MLPH: variants seen among roughly 807,000 people sequenced by gnomAD.
The protein encoded by MLPH is melanophilin, also known as exophilin-3.
In MLPH, 51 loss-of-function variants were observed where a neutral mutation model predicts 72.1. That is an observed-to-expected ratio of 0.71 (90% CI 0.56 to 0.89). MLPH has a LOEUF of 0.89. Ranked by LOEUF, MLPH falls within the 40% of genes least tolerant of loss-of-function variation. MLPH has a pLI of 0.00. For synonymous variants in MLPH, 301 were observed against 310.1 expected (o/e 0.97, Z 0.31); for missense variants, 743 against 759.9 (o/e 0.98, Z 0.26).
At chr2:237,523,884 T>G (rs2080242531) in intron 6 of MLPH, among the ~76,000 whole-genome samples, 1 of 151,810 alleles carries the variant, frequency 6.6e-6, no homozygotes, top group African/African-American at 2.4e-5. Flanking sequence ...AAGAGGCTAT[T>G]TACTGGGAGC....
intron 6 of MLPH, among the ~76,000 whole-genome samples, chr2:237,524,321 A>ATATATATATATATAT (rs1559357447): frequency 1.2e-4 from 17 of 146,180 alleles, no homozygotes; most frequent in African/African-American, 4.1e-4. Flanking sequence ...ATATATATAT[A>ATATATATATATATAT]AAGGGGAGTT....
At chr2:237,548,213 C>G (rs1035758320) in intron 13 of MLPH, among the ~76,000 whole-genome samples, 1 of 152,226 alleles carries the variant, frequency 6.6e-6, no homozygotes, top group Non-Finnish European at 1.5e-5. Flanking sequence ...ACACTCTTCT[C>G]TGGTGGGGGC....
intron 13 of MLPH, among the ~76,000 whole-genome samples, chr2:237,546,913 G>C (rs1331856243): frequency 1.3e-5 from 2 of 151,954 alleles, no homozygotes; most frequent in Non-Finnish European, 2.9e-5. Flanking sequence ...GAAAATCCAA[G>C]AAAGCCCAGT....
intron 12 of MLPH, among the ~76,000 whole-genome samples, chr2:237,545,992 C>G (rs180914546): frequency 6.6e-6 from 1 of 152,020 alleles, no homozygotes; most frequent in African/African-American, 2.4e-5. Flanking sequence ...AACTTGTGCC[C>G]GAGGTGGTTA....
At chr2:237,526,404 G>A (rs749537486) in intron 7 of MLPH, among the ~76,000 whole-genome samples, 1 of 152,102 alleles carries the variant, frequency 6.6e-6, no homozygotes, top group Non-Finnish European at 1.5e-5. Context: ...GCAAGTGGCT[G>A]CGTGCGGGAA....
Position 237,510,121 on chromosome 2 carries a change from C to G in MLPH, c.111-453C>G. On this transcript the variant is annotated intron_variant, in intron 2 of 15. Transcript: ENST00000264605. This position sits in a 1 kb window ranked among gnomAD's most constrained non-coding sequence, Gnocchi z 4.4. Reference sequence around the variant, plus strand: ...GCTCTGGAAACTCACCGAGCCATTTCAGCTGCGCTCTAGAGGAGCAAACCT... The same window carrying G: ...GCTCTGGAAACTCACCGAGCCATTTGAGCTGCGCTCTAGAGGAGCAAACCT... The G allele has an allele frequency of 4.0e-6, 1 of 250,376 alleles. No homozygotes were observed. Among genetic ancestry groups the G allele is most frequent in the Non-Finnish European group, 7.8e-6 (1 of 128,246 alleles). The allele number at this position is 250,376 out of a possible 1,614,324, so 15.5% of individuals were successfully genotyped here.
chr2:237,534,564 A>T lies in MLPH; in HGVS notation c.1021A>T (p.Ile341Phe), dbSNP rs200063207. The T allele has an allele frequency of 3.5e-4, 564 of 1,612,914 alleles. 1 individual carries two copies. The highest frequency in any genetic ancestry group is 4.5e-4 in the Non-Finnish European group (531 of 1,179,384). Residue 341 changes from isoleucine (I) to phenylalanine (F), a missense_variant and splice_region_variant, in exon 9 of 16, where the codon ATC becomes TTC. Physicochemically the swap from Ile to Phe is conservative, Grantham distance 21. Coordinates refer to ENST00000264605, the MANE Select transcript of MLPH (RefSeq NM_024101.7). Reference protein sequence around the residue: ...RRGRASSESQIFELNKHISAV... With the variant: ...RRGRASSESQFFELNKHISAV... ...CACTGTTTCTCTCCTTCTGCTGCAG[A>T]TCTTTGAGCTGAATAAGCATATTTC...
At position 237,553,938 on chromosome 2, in the gene MLPH, T is replaced by C. The variant is rs2081086477; in HGVS notation, c.*346T>C. The C allele has an allele frequency of 2.3e-6, 1 of 436,088 alleles. No homozygotes were observed. The highest frequency in any genetic ancestry group is 2.0e-5 in the African/African-American group (1 of 49,908). The allele number at this position is 436,088 out of a possible 1,614,324, so 27.0% of individuals were successfully genotyped here. ...ATCTTTTACCCCTTTCACTCTTGGC[T>C]TTCTTATGTTGCTTTCATGAATGGA... On this transcript the variant is annotated 3_prime_UTR_variant, in exon 16 of 16. Coordinates refer to ENST00000264605, the MANE Select transcript of MLPH (RefSeq NM_024101.7).
At chr2:237,549,666 G>A (rs2080993495) in intron 14 of MLPH, among the ~76,000 whole-genome samples, 2 of 152,196 alleles carry the variant, frequency 1.3e-5, no homozygotes, top group Non-Finnish European at 2.9e-5. Flanking sequence ...CGAACGGGAT[G>A]TGAGGCCTCC....
chr2:237,540,388 A>T lies in MLPH; in HGVS notation c.1145A>T (p.Glu382Val). The stretch of plus-strand genomic sequence containing the variant: ...GTGCGCACGGAGGCCGATGTAGAGG[A>T]GGAGGCCCTGAGGAGGAAGCTGGAG... ...AGVRTEADVE[E>V]EALRRKLEEL... The change falls in exon 10 of 16, where the codon GAG (glutamate) becomes GTG (valine). Residue 382 changes from glutamate (E) to valine (V), a missense_variant. Physicochemically the swap from Glu to Val is moderately radical, Grantham distance 121. Coordinates refer to ENST00000264605, the MANE Select transcript of MLPH (RefSeq NM_024101.7). 1 of 1,613,750 alleles carries T rather than the reference A, an allele frequency of 6.2e-7. No individual in the cohort carries two copies. Among genetic ancestry groups the T allele is most frequent in the Non-Finnish European group, 8.5e-7 (1 of 1,179,984 alleles).
intron 4 of MLPH, among the ~76,000 whole-genome samples, chr2:237,513,814 T>A (rs1439666899): frequency 6.6e-6 from 1 of 152,004 alleles, no homozygotes; most frequent in Non-Finnish European, 1.5e-5. Context: ...TTGGGATGCG[T>A]CTCCTCAAGG....
At chr2:237,545,661 T>C in intron 12 of MLPH, 1 of 1,261,322 alleles carries the variant, frequency 7.9e-7, no homozygotes, top group Non-Finnish European at 1.0e-6. Flanking sequence ...GCCAACATCC[T>C]CCTCTCCTGA....
At chr2:237,492,805 A>G (rs1241174632) in intron 1 of MLPH, among the ~76,000 whole-genome samples, 3 of 152,062 alleles carry the variant, frequency 2.0e-5, no homozygotes, top group Non-Finnish European at 2.9e-5. Context: ...ACAGCCCCCC[A>G]CGCCCAGAGG....
intron 11 of MLPH, among the ~76,000 whole-genome samples, chr2:237,542,101 G>T (rs750093199): frequency 6.6e-6 from 1 of 152,184 alleles, no homozygotes; most frequent in East Asian, 1.9e-4. Flanking sequence ...ATCTGAGTAG[G>T]GGGTGATGGG....
At chr2:237,490,307 C>T (rs1374830016) in intron 1 of MLPH, among the ~76,000 whole-genome samples, 1 of 151,090 alleles carries the variant, frequency 6.6e-6, no homozygotes, top group Non-Finnish European at 1.5e-5. Flanking sequence ...GCAGCCTGAG[C>T]GACAGACCAG....
In MLPH at chr2:237,505,865, G is replaced by A. The variant is rs979433832; in HGVS notation, c.111-4709G>A. ...TGGCATGCGTGTCCCAGGGCCCTCT[G>A]GAGGTGGGACTGCAGAGGACAGTAA... On this transcript the variant is annotated intron_variant, in intron 2 of 15. Coordinates refer to ENST00000264605, the MANE Select transcript of MLPH (RefSeq NM_024101.7). This position sits in a 1 kb window ranked among gnomAD's most constrained non-coding sequence, Gnocchi z 4.5. Among the ~76,000 whole-genome samples the A allele has an allele frequency of 6.6e-6, 1 of 152,190 alleles. No homozygotes were observed. Among genetic ancestry groups the A allele is most frequent in the Admixed American group, 6.5e-5 (1 of 15,288 alleles).
chr2:237,554,012 G>A lies in MLPH; in HGVS notation c.*420G>A, dbSNP rs536704066. ...AGGCACCAGCCATATGTGTATTCTTGATGGTCTATATCGGGGTGTGAGCAG... is the reference window on the plus strand; with the variant it reads ...AGGCACCAGCCATATGTGTATTCTTAATGGTCTATATCGGGGTGTGAGCAG... On this transcript the variant is annotated 3_prime_UTR_variant, in exon 16 of 16. Transcript: ENST00000264605. The A allele has an allele frequency of 2.8e-6, 1 of 354,458 alleles. No homozygotes were observed. Among genetic ancestry groups the A allele is most frequent in the Non-Finnish European group, 5.5e-6 (1 of 180,684 alleles). 22.0% of individuals were successfully genotyped at this position (354,458 alleles called of 1,614,324 possible). A position where few individuals can be genotyped will look rare whatever the true frequency, so the allele number is the denominator to read the frequency against.
intron 12 of MLPH, among the ~76,000 whole-genome samples, chr2:237,546,057 G>C (rs910079149): frequency 1.3e-5 from 2 of 152,212 alleles, no homozygotes; most frequent in Non-Finnish European, 2.9e-5. Context: ...CAATCAGTAG[G>C]TGTAAGATGT....
At chr2:237,531,770 C>G (rs375765111) in intron 8 of MLPH, among the ~76,000 whole-genome samples, 115 of 152,236 alleles carry the variant, frequency 7.6e-4, no homozygotes, top group African/African-American at 2.7e-3. Context: ...GAAACACAGA[C>G]TTCAAACAAA....
Sources: gnomAD v4.1 joint callset for allele counts (sites outside exome capture counted in the v4.1 genomes callset) on GRCh38, gnomAD v4.1.1 for gene constraint, Gnocchi (gnomAD v3.1) non-coding constraint, MANE v1.5 for transcripts, NCBI Gene and HGNC (gene_info 2026-07-23, HGNC 2026-07-21) for gene names.